Variants in TBC1D9 observed in about 807,000 individuals in gnomAD.
TBC1D9 encodes the protein TBC1 domain family member 9A.
A neutral mutation model predicts 132.0 loss-of-function variants in TBC1D9; 63 were observed. The ratio of observed to expected loss-of-function variants is 0.48; its 90% CI spans 0.39 to 0.59. The LOEUF is 0.59. Among genes scored for constraint, TBC1D9 ranks in the 20% least tolerant of loss-of-function variants. The pLI is 0.00. For missense variants in TBC1D9, 1,261 were observed against 1,592.7 expected, an observed-to-expected ratio of 0.79 and a Z score of 3.54; for synonymous variants, 610 against 609.9, an observed-to-expected ratio of 1.00 and a Z score of 0.00.
rs534766484 is a variant in TBC1D9, at chr4:140,704,568, G to C, written c.131-2954C>G. On this transcript the variant is annotated intron_variant, in intron 1 of 20. Coordinates refer to ENST00000442267, the MANE Select transcript of TBC1D9 (RefSeq NM_015130.3). Reference sequence around the variant, plus strand: ...CTGGGCAGGGCAGAGCAGCGGACAGGGGCAGTCCTGGTTCTAGAATGCTTC... The same window carrying C: ...CTGGGCAGGGCAGAGCAGCGGACAGCGGCAGTCCTGGTTCTAGAATGCTTC... 2.8e-3 allele frequency among the ~76,000 whole-genome samples: 423 copies of C among 152,134 alleles called. 6 individuals are homozygous for C. Among genetic ancestry groups the C allele is most frequent in the African/African-American group, 9.7e-3 (402 of 41,492 alleles).
chr4:140,697,381 CA>C (rs200136861), intron 2 of TBC1D9, among the ~76,000 whole-genome samples: 7 of 150,270 alleles, frequency 4.7e-5, no homozygotes, highest in Admixed American at 1.3e-4. Flanking sequence ...GACATTGTCT[CA>C]AAAAAAAATA....
intron 2 of TBC1D9, among the ~76,000 whole-genome samples, chr4:140,691,627 G>A (rs1213192784): frequency 6.6e-6 from 1 of 152,192 alleles, no homozygotes; most frequent in Non-Finnish European, 1.5e-5. Context: ...CCTGATGTTG[G>A]GTATGAGAAT....
At chr4:140,676,014 C>A (rs1737617328) in intron 6 of TBC1D9, among the ~76,000 whole-genome samples, 1 of 152,180 alleles carries the variant, frequency 6.6e-6, no homozygotes, top group Non-Finnish European at 1.5e-5. Context: ...ACACCTCAAC[C>A]ACTTCCTTTA....
At chr4:140,659,318 C>G in intron 11 of TBC1D9, 1 of 260,710 alleles carries the variant, frequency 3.8e-6, no homozygotes, top group Non-Finnish European at 7.2e-6. Flanking sequence ...CCTGGTGTAG[C>G]TCTCACATGT....
At position 140,755,999 on chromosome 4, in the gene TBC1D9, A is replaced by C; in HGVS notation, c.47T>G (p.Ile16Ser). ...GAAGTATGGGTTGGCCCTCTCGGTG[A>C]TCCACAGCGCGTTGGCCAGCAACAC... ...EEVLLANALWITERANPYFIL... is the reference protein window; with the variant it reads ...EEVLLANALWSTERANPYFIL... Residue 16 changes from isoleucine to serine, a missense_variant, in exon 1 of 21, where the codon ATC becomes AGC. Physicochemically the swap from Ile to Ser is moderately radical, Grantham distance 142. This residue lies in a region of TBC1D9 where 550 missense variants were observed against 699.0 expected (regional missense o/e 0.79). Transcript: ENST00000442267. 1 of 1,608,458 alleles carries C rather than the reference A, an allele frequency of 6.2e-7. No homozygotes were observed. The highest frequency in any genetic ancestry group is 8.5e-7 in the Non-Finnish European group (1 of 1,177,424).
chr4:140,651,409 G>C (rs1409499456), intron 13 of TBC1D9, among the ~76,000 whole-genome samples: 1 of 152,182 alleles, frequency 6.6e-6, no homozygotes, highest in East Asian at 1.9e-4. Context: ...GTTGGAGTGA[G>C]CCGAGATGGC....
intron 1 of TBC1D9, among the ~76,000 whole-genome samples, chr4:140,742,893 G>A (rs893169577): frequency 2.0e-5 from 3 of 151,576 alleles, no homozygotes; most frequent in African/African-American, 7.3e-5. Context: ...AGGAGCAGGA[G>A]GAGGAGGAGG....
Position 140,657,512 on chromosome 4 carries a change from G to T in TBC1D9, c.2207+15C>A. 1 of 1,603,212 alleles carries T rather than the reference G, an allele frequency of 6.2e-7. No individual in the cohort carries two copies. Among genetic ancestry groups the T allele is most frequent in the Non-Finnish European group, 8.5e-7 (1 of 1,174,260 alleles). On this transcript the variant is annotated intron_variant, in intron 12 of 20. Coordinates refer to ENST00000442267, the MANE Select transcript of TBC1D9 (RefSeq NM_015130.3). ...AAACCGGAGATGGTTTTCAAAGTTA[G>T]GCTTAGTACAATACCTTCCCAAAAC...
chr4:140,668,168 G>C (rs75378918), intron 9 of TBC1D9, among the ~76,000 whole-genome samples: 2 of 152,200 alleles, frequency 1.3e-5, no homozygotes, highest in African/African-American at 4.8e-5. Context: ...GATACACTCA[G>C]TGCTTTCGGA....
chr4:140,705,228 CTT>C (rs1738132129), intron 1 of TBC1D9, among the ~76,000 whole-genome samples: 2 of 152,216 alleles, frequency 1.3e-5, no homozygotes, highest in African/African-American at 4.8e-5. Flanking sequence ...TCTGTCTGCT[CTT>C]GTCTCCCCCG....
chr4:140,656,402 G>T (rs1737273068), intron 13 of TBC1D9, among the ~76,000 whole-genome samples: 1 of 152,106 alleles, frequency 6.6e-6, no homozygotes, highest in South Asian at 2.1e-4. Context: ...CTATAAGTCT[G>T]CCCTTTTTCA....
chr4:140,714,690 C>T (rs561395787), intron 1 of TBC1D9, among the ~76,000 whole-genome samples: 1 of 152,266 alleles, frequency 6.6e-6, no homozygotes, highest in East Asian at 1.9e-4. Flanking sequence ...TACATTTCCT[C>T]CATAAGAGAT....
intron 15 of TBC1D9, among the ~76,000 whole-genome samples, chr4:140,634,581 G>C (rs34597615): frequency 6.6e-6 from 1 of 152,066 alleles, no homozygotes. Flanking sequence ...TAGGAATTTA[G>C]GTAATGTGAC....
intron 7 of TBC1D9, among the ~76,000 whole-genome samples, chr4:140,670,405 T>C (rs1578833500): frequency 1.3e-5 from 2 of 152,348 alleles, no homozygotes; most frequent in Non-Finnish European, 1.5e-5. Context: ...TTTGAGACTT[T>C]ATTTAGTGAC....
chr4:140,643,986 G>C (rs747988081), intron 13 of TBC1D9: 3 of 556,534 alleles, frequency 5.4e-6, no homozygotes, highest in Non-Finnish European at 1.0e-5. Context: ...CTCTTCCTCC[G>C]GGTCCTCCCG....
chr4:140,716,123 T>C (rs1481861207), intron 1 of TBC1D9: 1 of 152,224 alleles, frequency 6.6e-6, no homozygotes, highest in Non-Finnish European at 1.5e-5. Context: ...ACAGAATATA[T>C]TAGGCCCAAC....
At chr4:140,628,801 T>A (rs1015705016) in intron 16 of TBC1D9, among the ~76,000 whole-genome samples, 1 of 152,228 alleles carries the variant, frequency 6.6e-6, no homozygotes, top group Non-Finnish European at 1.5e-5. Flanking sequence ...CAGAAATAAT[T>A]TCAAGATGTG....
intron 16 of TBC1D9, among the ~76,000 whole-genome samples, chr4:140,633,717 T>C (rs377424446): frequency 3.9e-5 from 6 of 152,202 alleles, no homozygotes; most frequent in African/African-American, 1.2e-4. Flanking sequence ...AGTGTTTATG[T>C]TGGCATTTCA....
chr4:140,694,500 G>C (rs900817906), intron 2 of TBC1D9, among the ~76,000 whole-genome samples: 2 of 150,330 alleles, frequency 1.3e-5, no homozygotes, highest in Admixed American at 1.3e-4. Context: ...GAAGCTGGGA[G>C]TTAGAGGTTG....
Sources: gnomAD v4.1 joint callset for allele counts (sites outside exome capture counted in the v4.1 genomes callset) on GRCh38, gnomAD v4.1.1 for gene constraint, gnomAD v4.1.1 regional missense constraint, MANE v1.5 for transcripts, NCBI Gene and HGNC (gene_info 2026-07-23, HGNC 2026-07-21) for gene names.